PSMA5: variants seen among roughly 807,000 people sequenced by gnomAD.
PSMA5 encodes proteasome subunit alpha type-5.
Under a neutral mutation model 34.5 loss-of-function variants are expected in PSMA5, and 3 were observed. That is an observed-to-expected ratio of 0.09 (90% CI 0.04 to 0.22). PSMA5 has a LOEUF of 0.22. Ranked by LOEUF, PSMA5 falls within the 10% of genes least tolerant of loss-of-function variation. The probability of loss-of-function intolerance (pLI) is 1.00; values close to 1 mark genes in which losing one functional copy is unlikely to be tolerated. For synonymous variants in PSMA5, 88 were observed against 95.8 expected (o/e 0.92, Z 0.47); for missense variants, 120 against 286.1 (o/e 0.42, Z 4.19).
Position 109,401,363 on chromosome 1 carries a change from G to C in PSMA5, c.*650C>G, listed in dbSNP as rs1008487257. ...GCTGATTCCAACCCATCAATGTTTT[G>C]AGGAGGACCTCAAAACATGTTCTTC... On this transcript the variant is annotated 3_prime_UTR_variant, in exon 9 of 9. Transcript: ENST00000271308. 1.3e-5 allele frequency: 2 copies of C among 152,066 alleles called. No homozygotes were observed. The highest frequency in any genetic ancestry group is 2.4e-5 in the African/African-American group (1 of 41,408). 9.4% of individuals were successfully genotyped at this position (152,066 alleles called of 1,614,324 possible).
chr1:109,415,145 A>G, intron 3 of PSMA5, 92 bp downstream of exon 3: 2 of 1,407,340 alleles, frequency 1.4e-6, no homozygotes, highest in South Asian at 3.2e-5. Context: ...CAAGGGGATA[A>G]CGTGTTCATT....
rs573425944 is a variant in PSMA5 at position 109,404,782 on chromosome 1, T to G, written c.649-2692A>C. Among the ~76,000 whole-genome samples the G allele has an allele frequency of 5.9e-5, 9 of 152,380 alleles. No individual in the cohort carries two copies. In the South Asian group the frequency reaches 1.9e-3, roughly 32 times the overall value. ...TAATTAATTACTAAGCACCTGTGTATTAGTTACATGTACTTGTGACTAAGG... is the reference window on the plus strand; with the variant it reads ...TAATTAATTACTAAGCACCTGTGTAGTAGTTACATGTACTTGTGACTAAGG... On this transcript the variant is annotated intron_variant, in intron 8 of 8. Transcript: ENST00000271308.
chr1:109,411,836 C>T, intron 6 of PSMA5, 41 bp downstream of exon 6: 1 of 1,557,590 alleles, frequency 6.4e-7, no homozygotes, highest in South Asian at 1.1e-5. Flanking sequence ...TAAAATAATT[C>T]CCTGCAAAAG....
intron 2 of PSMA5, among the ~76,000 whole-genome samples, chr1:109,415,723 G>A (rs1190658873): frequency 2.0e-5 from 3 of 152,070 alleles, no homozygotes; most frequent in Admixed American, 6.5e-5. Context: ...CCAATATTTG[G>A]AGGACGGAGG....
intron 2 of PSMA5, among the ~76,000 whole-genome samples, chr1:109,416,985 C>T (rs1379812197): frequency 1.3e-5 from 2 of 152,130 alleles, no homozygotes; most frequent in Non-Finnish European, 1.5e-5. Flanking sequence ...TATGCCTGTA[C>T]TCCCAGCTAC....
chr1:109,425,667 A>G (rs1654625421), intron 1 of PSMA5: 1 of 152,836 alleles, frequency 6.5e-6, no homozygotes, highest in South Asian at 2.0e-4. Context: ...GTACAACTTA[A>G]TATTGTGAAC....
chr1:109,412,985 C>T, intron 4 of PSMA5, 83 bp downstream of exon 4: 5 of 1,193,528 alleles, frequency 4.2e-6, no homozygotes, highest in East Asian at 2.3e-5. Context: ...ACACAGGTAC[C>T]TGCAGTATAG....
At chr1:109,425,222 G>C (rs960055959) in intron 1 of PSMA5, 10 of 152,324 alleles carry the variant, frequency 6.6e-5, no homozygotes, top group African/African-American at 2.4e-4. Flanking sequence ...GTCTTGGGAA[G>C]ACAGAAAAAT....
At position 109,400,762 on chromosome 1, in the gene PSMA5, C is replaced by T. The variant is rs1390636054; in HGVS notation, c.*1251G>A. On this transcript the variant is annotated 3_prime_UTR_variant, in exon 9 of 9. Coordinates refer to ENST00000271308, the MANE Select transcript of PSMA5 (RefSeq NM_002790.4). Reference sequence around the variant, plus strand: ...TATGAATTCAGCCTATCCAAATAGTCATAATTTATTAACATATAGTACAAC... The same window carrying T: ...TATGAATTCAGCCTATCCAAATAGTTATAATTTATTAACATATAGTACAAC... 1 of 152,172 alleles carries T rather than the reference C, an allele frequency of 6.6e-6. No homozygotes were observed. The highest frequency in any genetic ancestry group is 6.5e-5 in the Admixed American group (1 of 15,280). 9.4% of individuals were successfully genotyped at this position (152,172 alleles called of 1,614,324 possible). A position where few individuals can be genotyped will look rare whatever the true frequency, so the allele number is the denominator to read the frequency against.
At chr1:109,408,236 T>C (rs10858094) in intron 8 of PSMA5, among the ~76,000 whole-genome samples, 98,376 of 152,014 alleles carry the variant, frequency 0.65, 33,703 homozygotes, top group East Asian at 0.96. Flanking sequence ...CCATCTTATA[T>C]ACATCCCACA....
rs1048972364 is a variant in PSMA5 at position 109,426,152 on chromosome 1, G to A, written c.29+150C>T. ...ATGTGGTCTAGCTTGGGGAAGGACG[G>A]CGGGCGCCTGAGGAGGGCATAACAT... is the stretch of plus-strand genomic sequence containing the variant. On this transcript the variant is annotated intron_variant, in intron 1 of 8. Coordinates refer to ENST00000271308, the MANE Select transcript of PSMA5 (RefSeq NM_002790.4). 10 of 1,011,178 alleles carry A rather than the reference G, an allele frequency of 9.9e-6. No individual in the cohort carries two copies. In the African/African-American group the frequency reaches 1.1e-4, roughly 11 times the overall value. 62.6% of individuals were successfully genotyped at this position (1,011,178 alleles called of 1,614,324 possible). A position where few individuals can be genotyped will look rare whatever the true frequency, so the allele number is the denominator to read the frequency against.
In PSMA5 at chr1:109,426,430, G is replaced by A. The variant is rs1654671139; in HGVS notation, c.-100C>T. 6 of 1,464,414 alleles carry A rather than the reference G, an allele frequency of 4.1e-6. No homozygotes were observed. The African/African-American group carries it at 7.0e-5, about 17-fold the overall frequency. The allele number at this position is 1,464,414 out of a possible 1,614,324, so 90.7% of individuals were successfully genotyped here. On this transcript the variant is annotated 5_prime_UTR_variant, in exon 1 of 9. Transcript: ENST00000271308. ...CGGCAGCCAACTCACCCACACGGCC[G>A]CAGTACTAAGGACCAACTGCGCGTG...
rs1654459123 is a variant in PSMA5, at chr1:109,421,856, A to G, written c.96+4T>C. 1.9e-6 allele frequency: 3 copies of G among 1,555,548 alleles called. No homozygotes were observed. Among genetic ancestry groups the G allele is most frequent in the Non-Finnish European group, 2.6e-6 (3 of 1,158,492 alleles). ...TTCAGGACCTATGCTACTTGCTACTATACCTTGATAGCCTCAATGGCATAT... is the reference window on the plus strand; with the variant it reads ...TTCAGGACCTATGCTACTTGCTACTGTACCTTGATAGCCTCAATGGCATAT... On this transcript the variant is annotated splice_donor_region_variant and intron_variant, in intron 2 of 8. Coordinates refer to ENST00000271308, the MANE Select transcript of PSMA5 (RefSeq NM_002790.4).
Position 109,402,214 on chromosome 1 carries a change from C to G in PSMA5, c.649-124G>C, listed in dbSNP as rs1204345486. 188 of 585,490 alleles carry G rather than the reference C, an allele frequency of 3.2e-4. 1 individual carries two copies. In the East Asian group the frequency reaches 5.7e-3, roughly 18 times the overall value. 36.3% of individuals were successfully genotyped at this position (585,490 alleles called of 1,614,324 possible). On this transcript the variant is annotated intron_variant, in intron 8 of 8. Transcript: ENST00000271308. ...TTAGGAACTAAGGGATCTGCTGTCC[C>G]AAGGATATCCTTTCCAGGCAGCAGG...
At chr1:109,422,742 A>G (rs1304589093) in intron 1 of PSMA5, among the ~76,000 whole-genome samples, 1 of 152,190 alleles carries the variant, frequency 6.6e-6, no homozygotes, top group Non-Finnish European at 1.5e-5. Flanking sequence ...AAATGCTGGG[A>G]TTACAGGCAT....
intron 8 of PSMA5, 32 bp downstream of exon 8, chr1:109,409,896 C>T (rs1163000696): frequency 9.2e-6 from 14 of 1,518,708 alleles, no homozygotes; most frequent in African/African-American, 4.2e-5. Flanking sequence ...AAAAAAAAAC[C>T]GAAAAAAATC....
chr1:109,421,436 C>T (rs1375959131), intron 2 of PSMA5, among the ~76,000 whole-genome samples: 3 of 147,278 alleles, frequency 2.0e-5, no homozygotes, highest in Non-Finnish European at 4.5e-5. Context: ...GAACTCCAGC[C>T]TGGGCAACTG....
rs184403377 is a variant in PSMA5, at chr1:109,403,684, T to G, written c.649-1594A>C. 2.6e-4 allele frequency among the ~76,000 whole-genome samples: 39 copies of G among 152,242 alleles called. 1 individual carries two copies. In the Middle Eastern group the frequency reaches 0.014, roughly 53 times the overall value. ...TAAAATTAAATATAGTAGGGCATTT[T>G]AAAGTAATTTTCAGTACTAATATTT... On this transcript the variant is annotated intron_variant, in intron 8 of 8. Coordinates refer to ENST00000271308, the MANE Select transcript of PSMA5 (RefSeq NM_002790.4).
intron 2 of PSMA5, among the ~76,000 whole-genome samples, chr1:109,418,543 C>T (rs1416219438): frequency 6.6e-6 from 1 of 152,190 alleles, no homozygotes; most frequent in African/African-American, 2.4e-5. Context: ...TCTTGAACTT[C>T]TAGACTCAAG....
Sources: allele counts gnomAD v4.1 joint callset (sites outside exome capture counted in the v4.1 genomes callset), GRCh38; gene constraint gnomAD v4.1.1; transcripts MANE v1.5; gene names NCBI Gene and HGNC (gene_info 2026-07-23, HGNC 2026-07-21).